Variants in ARHGAP30 observed in about 807,000 individuals in gnomAD.
ARHGAP30 encodes the protein Rho GTPase activating protein 30.
In ARHGAP30, 23 loss-of-function variants were observed where a neutral mutation model predicts 72.0. That is an observed-to-expected ratio of 0.32 (90% CI 0.23 to 0.45). The LOEUF is 0.45. Among genes scored for constraint, ARHGAP30 ranks in the 20% least tolerant of loss-of-function variants. The pLI is 1.00. For synonymous variants in ARHGAP30, 576 were observed against 528.2 expected (o/e 1.09, Z -1.24); for missense variants, 1,319 against 1,383.4 (o/e 0.95, Z 0.74).
intron 10 of ARHGAP30, among the ~76,000 whole-genome samples, chr1:161,050,990 C>G (rs940565362): frequency 6.6e-6 from 1 of 152,224 alleles, no homozygotes; most frequent in Non-Finnish European, 1.5e-5. Flanking sequence ...ATTGATGTTA[C>G]TATTATTGTT....
At chr1:161,051,217 G>C in intron 10 of ARHGAP30, 97 bp downstream of exon 10, 1 of 1,490,078 alleles carries the variant, frequency 6.7e-7, no homozygotes. Context: ...CAAGGGCTGA[G>C]GCCTCTGCCC....
chr1:161,052,071 T>C (rs1303096815), intron 9 of ARHGAP30, among the ~76,000 whole-genome samples: 1 of 132,656 alleles, frequency 7.5e-6, no homozygotes, highest in African/African-American at 2.8e-5. Context: ...ATACCCATGC[T>C]GTCCCATCCC....
In ARHGAP30 at chr1:161,051,376, T is replaced by C. The variant is rs781386452; in HGVS notation, c.1358A>G (p.Gln453Arg). The C allele has an allele frequency of 6.2e-7, 1 of 1,613,578 alleles. No homozygotes were observed. Among genetic ancestry groups the C allele is most frequent in the East Asian group, 2.2e-5 (1 of 44,884 alleles). ...LTRGLECPAL[Q>R]HRPSPASGPG... ...GCCAGAGGCAGGGCTTGGCCGGTGC[T>C]GTAGAGCAGGGCACTCAAGGCCACG... The change falls in exon 10 of 12, where the codon CAG becomes CGG. Residue 453 changes from glutamine to arginine, a missense_variant. By Grantham distance (43) the Gln-to-Arg change is conservative (BLOSUM62 1). Coordinates refer to ENST00000368013, the MANE Select transcript of ARHGAP30 (RefSeq NM_001025598.2).
chr1:161,053,159 C>T, intron 6 of ARHGAP30, 99 bp downstream of exon 6: 1 of 1,535,374 alleles, frequency 6.5e-7, no homozygotes, highest in African/African-American at 1.4e-5. Flanking sequence ...ACCAACATCC[C>T]TGTATGAGAC....
Position 161,054,663 on chromosome 1 carries a change from T to C in ARHGAP30, c.388A>G (p.Ile130Val). The C allele has an allele frequency of 6.2e-7, 1 of 1,613,994 alleles. No homozygotes were observed. The highest frequency in any genetic ancestry group is 8.5e-7 in the Non-Finnish European group (1 of 1,180,018). ...VQLEPERLVK[I>V]LEVLRELPVP... Reference sequence around the variant, plus strand: ...GGGAGTTCCCGAAGCACCTCTAGGATCTTGACCAAGCGCTCAGGTTCCAAT... The same window carrying C: ...GGGAGTTCCCGAAGCACCTCTAGGACCTTGACCAAGCGCTCAGGTTCCAAT... Residue 130 changes from isoleucine (I) to valine (V), a missense_variant, in exon 4 of 12, where the codon ATC becomes GTC. Transcript: ENST00000368013.
Position 161,047,899 on chromosome 1 carries a change from G to A in ARHGAP30, c.3122C>T (p.Ala1041Val), listed in dbSNP as rs1650985016. Residue 1041 changes from alanine (A) to valine (V), a missense_variant, in exon 12 of 12, where the codon GCC (alanine) becomes GTC (valine). Ala to Val is a moderately conservative substitution (Grantham distance 64). Coordinates refer to ENST00000368013, the MANE Select transcript of ARHGAP30 (RefSeq NM_001025598.2). ...PRTSPCSMIS[A>V]HSPRPLSCLE... The stretch of plus-strand genomic sequence containing the variant: ...GCAGCTAAGGGGCCGAGGAGAATGG[G>A]CAGAGATCATGCTACAAGGGGAGGT... 1 of 1,612,680 alleles carries A rather than the reference G, an allele frequency of 6.2e-7. No homozygotes were observed. Among genetic ancestry groups the A allele is most frequent in the Non-Finnish European group, 8.5e-7 (1 of 1,179,266 alleles).
At position 161,054,795 on chromosome 1, in the gene ARHGAP30, A is replaced by C. The variant is rs1651705733; in HGVS notation, c.346-90T>G. ...AGCTTGTAACCAAGTTCTCAGGAAC[A>C]ATGTGCACTGGACTCTGTGCTACCC... On this transcript the variant is annotated intron_variant, in intron 3 of 11. Transcript: ENST00000368013. 2.7e-6 allele frequency: 3 copies of C among 1,120,272 alleles called. No individual in the cohort carries two copies. The Admixed American group carries it at 5.2e-5, about 19-fold the overall frequency. The allele number at this position is 1,120,272 out of a possible 1,614,324, so 69.4% of individuals were successfully genotyped here. A position where few individuals can be genotyped will look rare whatever the true frequency, so the allele number is the denominator to read the frequency against.
intron 10 of ARHGAP30, 29 bp from the exon 11 acceptor site, chr1:161,049,718 A>G (rs1651206199): frequency 6.2e-7 from 1 of 1,603,294 alleles, no homozygotes; most frequent in Non-Finnish European, 8.5e-7. Context: ...TCCCAGGAAT[A>G]CAAAGGTCAA....
intron 1 of ARHGAP30, among the ~76,000 whole-genome samples, chr1:161,061,278 G>C: frequency 6.7e-6 from 1 of 150,130 alleles, no homozygotes; most frequent in East Asian, 2.0e-4. Context: ...CAATTTTCCT[G>C]CCTCAGCCTC....
intron 1 of ARHGAP30, among the ~76,000 whole-genome samples, chr1:161,060,788 G>A (rs557525689): frequency 2.1e-4 from 28 of 134,484 alleles, no homozygotes; most frequent in Admixed American, 9.2e-4. Context: ...TGCAACCTCC[G>A]CCTCCCGGGT....
At chr1:161,059,784 C>T (rs2102058251) in intron 1 of ARHGAP30, 68 bp from the exon 2 acceptor site, 1 of 1,365,160 alleles carries the variant, frequency 7.3e-7, no homozygotes, top group African/African-American at 1.5e-5. Context: ...TGCACTGGGT[C>T]TGAGAAATGG....
At chr1:161,066,374 T>A (rs1325827670) in intron 1 of ARHGAP30, among the ~76,000 whole-genome samples, 4 of 150,108 alleles carry the variant, frequency 2.7e-5, no homozygotes, top group African/African-American at 9.8e-5. Context: ...GGGCCTGGTG[T>A]GGTGGCTCAC....
chr1:161,052,802 G>T lies in ARHGAP30; in HGVS notation c.665-5C>A. Reference sequence around the variant, plus strand: ...ACCCACTCTCCACCTCACCACCTGGGAAAAGAAAAGGAATTGGCCAGCCAG... The same window carrying T: ...ACCCACTCTCCACCTCACCACCTGGTAAAAGAAAAGGAATTGGCCAGCCAG... On this transcript the variant is annotated splice_polypyrimidine_tract_variant and splice_region_variant and intron_variant, in intron 6 of 11. Transcript: ENST00000368013. The T allele has an allele frequency of 6.2e-7, 1 of 1,609,534 alleles. No individual in the cohort carries two copies. The highest frequency in any genetic ancestry group is 8.5e-7 in the Non-Finnish European group (1 of 1,178,692).
In ARHGAP30 at chr1:161,056,407, C is replaced by T. The variant is rs1016750809; in HGVS notation, c.326G>A (p.Arg109Gln). 8 of 1,613,748 alleles carry T rather than the reference C, an allele frequency of 5.0e-6. No homozygotes were observed. The highest frequency in any genetic ancestry group is 2.2e-5 in the East Asian group (1 of 44,868). The change falls in exon 3 of 12, where the codon CGG becomes CAG. Residue 109 changes from arginine to glutamine, a missense_variant. Physicochemically the swap from Arg to Gln is conservative, Grantham distance 43. Around this residue, in one of 2 missense-constraint regions of ARHGAP30, gnomAD observed 222 missense variants for 338.2 expected, o/e 0.66. Coordinates refer to ENST00000368013, the MANE Select transcript of ARHGAP30 (RefSeq NM_001025598.2). ...RELPDPLLTYRLYDKFAEAVG... is the reference protein window; with the variant it reads ...RELPDPLLTYQLYDKFAEAVG... ...ACTCACAGCAAACTTGTCATAGAGC[C>T]GGTAAGTGAGCAGGGGATCCGGCAG...
intron 1 of ARHGAP30, among the ~76,000 whole-genome samples, chr1:161,064,840 A>AGG (rs1423756874): frequency 8.9e-6 from 1 of 112,028 alleles, no homozygotes; most frequent in Non-Finnish European, 1.8e-5. Context: ...AGAGAAAGAA[A>AGG]GAAAGAAAGG....
At chr1:161,054,113 T>C (rs1339330565) in intron 5 of ARHGAP30, among the ~76,000 whole-genome samples, 1 of 152,184 alleles carries the variant, frequency 6.6e-6, no homozygotes, top group Non-Finnish European at 1.5e-5. Context: ...TTCCAGTCCC[T>C]GAGCTCAGTG....
intron 3 of ARHGAP30, among the ~76,000 whole-genome samples, chr1:161,055,462 C>T (rs12140700): frequency 0.088 from 13,306 of 151,976 alleles, 777 homozygotes; most frequent in South Asian, 0.15. Context: ...CACTGCACTC[C>T]GGCCTGGGTG....
In ARHGAP30 at chr1:161,066,912, C is replaced by A. The variant is rs555131565; in HGVS notation, c.97+2616G>T. ...TCTCGGGTGCCTAATGCTAAGCCAA[C>A]TCTTTTGACTCATAAATAGTCTGCT... On this transcript the variant is annotated intron_variant, in intron 1 of 11. Transcript: ENST00000368013. Among the ~76,000 whole-genome samples the A allele has an allele frequency of 1.1e-4, 17 of 152,270 alleles. No individual in the cohort carries two copies. In the East Asian group the frequency reaches 1.7e-3, roughly 16 times the overall value.
Position 161,054,420 on chromosome 1 carries a change from T to A in ARHGAP30, c.482A>T (p.Gln161Leu). Residue 161 changes from glutamine (Q) to leucine (L), a missense_variant, in exon 5 of 12, where the codon CAG becomes CTG. Physicochemically the swap from Gln to Leu is moderately radical, Grantham distance 113 (BLOSUM62 -2). Coordinates refer to ENST00000368013, the MANE Select transcript of ARHGAP30 (RefSeq NM_001025598.2). Reference protein sequence around the residue: ...HLVHMASFSAQTNMHARNLAI... With the variant: ...HLVHMASFSALTNMHARNLAI... Reference sequence around the variant, plus strand: ...CAGGTTGCGAGCATGCATGTTGGTCTGGGCACTGAATGAGGCCATGTGTAC... The same window carrying A: ...CAGGTTGCGAGCATGCATGTTGGTCAGGGCACTGAATGAGGCCATGTGTAC... The A allele has an allele frequency of 3.1e-6, 5 of 1,614,018 alleles. No individual in the cohort carries two copies. Among genetic ancestry groups the A allele is most frequent in the African/African-American group, 1.3e-5 (1 of 75,028 alleles).
Sources: allele counts gnomAD v4.1 joint callset (sites outside exome capture counted in the v4.1 genomes callset), GRCh38; gene constraint gnomAD v4.1.1; regional missense constraint gnomAD v4.1.1; transcripts MANE v1.5; gene names NCBI Gene and HGNC (gene_info 2026-07-23, HGNC 2026-07-21).